The following NOC3L variants were observed in gnomAD, a reference collection of about 807,000 sequenced individuals.
NOC3L encodes nucleolar complex protein 3 homolog.
In NOC3L, 85 loss-of-function variants were observed where a neutral mutation model predicts 102.5. The ratio of observed to expected loss-of-function variants is 0.83; its 90% CI spans 0.70 to 0.99. The LOEUF is 0.99. Ranked by LOEUF, NOC3L falls within the 50% of genes least tolerant of loss-of-function variation. The pLI is 0.00. For missense variants in NOC3L, 878 were observed against 914.9 expected (o/e 0.96, Z 0.52); for synonymous variants, 303 against 309.4 (o/e 0.98, Z 0.22).
chr10:94,336,858 CAG>C (rs1410240472), intron 19 of NOC3L, among the ~76,000 whole-genome samples: 3 of 151,594 alleles, frequency 2.0e-5, no homozygotes, highest in Non-Finnish European at 4.4e-5. Flanking sequence ...TACCTGAGGT[CAG>C]GAGTTCGAGA....
the NOC3L span, among the ~76,000 whole-genome samples, chr10:94,327,183 C>T: frequency 1.3e-5 from 2 of 152,180 alleles, no homozygotes; most frequent in Admixed American, 6.5e-5. Context: ...AGGGAGGCTT[C>T]TCTTATAGTC....
At chr10:94,326,057 G>A in the NOC3L span, among the ~76,000 whole-genome samples, 1 of 152,172 alleles carries the variant, frequency 6.6e-6, no homozygotes, top group African/African-American at 2.4e-5. Context: ...AAAAGCATGT[G>A]AGGGAACCAG....
chr10:94,316,731 G>A, the NOC3L span: 2 of 1,613,968 alleles, frequency 1.2e-6, 1 homozygote, highest in South Asian at 2.2e-5. Context: ...TACATGGGCA[G>A]GATTGTCTTA....
intron 13 of NOC3L, among the ~76,000 whole-genome samples, chr10:94,344,102 C>T (rs974440236): frequency 1.3e-5 from 2 of 152,158 alleles, no homozygotes; most frequent in Non-Finnish European, 2.9e-5. Flanking sequence ...GCATGATCCA[C>T]TCAAACTATG....
the NOC3L span, among the ~76,000 whole-genome samples, chr10:94,319,214 CT>C: frequency 4.6e-5 from 7 of 151,992 alleles, no homozygotes; most frequent in Non-Finnish European, 2.9e-5. Context: ...CTTTATATGC[CT>C]TTGTTAGGAA....
At chr10:94,337,713 T>C in intron 19 of NOC3L, 64 bp downstream of exon 19, 1 of 1,081,052 alleles carries the variant, frequency 9.3e-7, no homozygotes, top group Middle Eastern at 2.0e-4. Flanking sequence ...GAAACAGTCT[T>C]CTCATAGTAA....
Position 94,362,628 on chromosome 10 carries a change from T to C in NOC3L, c.9+202A>G, listed in dbSNP as rs1370268977. ...TCCCACGCATGCAAAACTCCGTGCC[T>C]GTCTCTTCGTGATACTCTGAAGTGG... On this transcript the variant is annotated intron_variant, in intron 1 of 20. Coordinates refer to ENST00000371361, the MANE Select transcript of NOC3L (RefSeq NM_022451.11). Among the ~76,000 whole-genome samples the C allele has an allele frequency of 2.6e-5, 4 of 152,298 alleles. No homozygotes were observed. In the South Asian group the frequency reaches 6.2e-4, roughly 24 times the overall value.
chr10:94,317,245 ACT>A, the NOC3L span, among the ~76,000 whole-genome samples: 1 of 152,032 alleles, frequency 6.6e-6, no homozygotes, highest in African/African-American at 2.4e-5. Context: ...ACAGAACAAG[ACT>A]CTGTCTCAAA....
At chr10:94,358,718 C>A (rs998468694) in intron 2 of NOC3L, among the ~76,000 whole-genome samples, 2 of 152,170 alleles carry the variant, frequency 1.3e-5, no homozygotes, top group Admixed American at 6.6e-5. Flanking sequence ...AAGCTTTTAT[C>A]CTTCCAGCTC....
At chr10:94,338,340 A>T (rs2054245452) in intron 18 of NOC3L, among the ~76,000 whole-genome samples, 1 of 152,062 alleles carries the variant, frequency 6.6e-6, no homozygotes, top group Non-Finnish European at 1.5e-5. Flanking sequence ...GAAAGATTTC[A>T]ATAAAGGGAA....
At chr10:94,362,215 C>T (rs1412900581) in intron 1 of NOC3L, among the ~76,000 whole-genome samples, 1 of 152,212 alleles carries the variant, frequency 6.6e-6, no homozygotes, top group Non-Finnish European at 1.5e-5. Context: ...TTTAATAAAA[C>T]TTACATTTAT....
chr10:94,328,482 C>T (rs1332664841), downstream of NOC3L: 1 of 152,302 alleles, frequency 6.6e-6, no homozygotes, highest in Non-Finnish European at 1.5e-5. Context: ...ATTCTTAATT[C>T]AGGGGCCATA....
At chr10:94,342,468 G>A (rs1240838152) in intron 13 of NOC3L, among the ~76,000 whole-genome samples, 2 of 151,742 alleles carry the variant, frequency 1.3e-5, no homozygotes, top group African/African-American at 4.8e-5. Context: ...CAACTTTTTG[G>A]AGAAGCAATC....
chr10:94,340,519 T>G (rs767657807), intron 14 of NOC3L, 23 bp from the exon 15 acceptor site: 692 of 673,762 alleles, frequency 1.0e-3, no homozygotes, highest in African/African-American at 4.5e-3. Context: ...AAGGGGGGGG[T>G]GAGGGGGATG....
Position 94,356,513 on chromosome 10 carries a change from AGTAACT to A in NOC3L, c.565+16_565+21del, listed in dbSNP as rs778406433. The A allele has an allele frequency of 8.9e-6, 13 of 1,463,474 alleles. No individual in the cohort carries two copies. In the South Asian group the frequency reaches 1.5e-4, roughly 17 times the overall value. 90.7% of individuals were successfully genotyped at this position (1,463,474 alleles called of 1,614,324 possible). A position where few individuals can be genotyped will look rare whatever the true frequency, so the allele number is the denominator to read the frequency against. ...CAAAAAAATTCTCAATTAACAATTT[AGTAACT>A]GTAAAGACATATTACCTTCCTCAAG... On this transcript the variant is annotated intron_variant, in intron 5 of 20. Coordinates refer to ENST00000371361, the MANE Select transcript of NOC3L (RefSeq NM_022451.11).
the NOC3L span, among the ~76,000 whole-genome samples, chr10:94,317,335 G>C: frequency 6.6e-6 from 1 of 152,074 alleles, no homozygotes; most frequent in Non-Finnish European, 1.5e-5. Flanking sequence ...TACCTTATAA[G>C]ATAAAGGAAG....
At chr10:94,340,999 A>AAC (rs2054278208) in intron 14 of NOC3L, among the ~76,000 whole-genome samples, 6 of 147,618 alleles carry the variant, frequency 4.1e-5, no homozygotes, top group African/African-American at 7.6e-5. Flanking sequence ...AAAAAAAAAA[A>AAC]ATTTCTACAA....
intron 7 of NOC3L, 122 bp from the exon 8 acceptor site, chr10:94,352,525 C>A (rs2054431919): frequency 3.0e-6 from 2 of 659,688 alleles, no homozygotes; most frequent in South Asian, 3.9e-5. Flanking sequence ...AAACAAAAAA[C>A]GCGGCAGTCG....
chr10:94,335,361 C>T (rs1449995581), intron 19 of NOC3L, among the ~76,000 whole-genome samples: 2 of 152,060 alleles, frequency 1.3e-5, no homozygotes, highest in African/African-American at 2.4e-5. Flanking sequence ...AACATCTTTC[C>T]TTAGCAAAAC....
Sources: allele counts gnomAD v4.1 joint callset (sites outside exome capture counted in the v4.1 genomes callset), GRCh38; gene constraint gnomAD v4.1.1; transcripts MANE v1.5; gene names NCBI Gene and HGNC (gene_info 2026-07-23, HGNC 2026-07-21).